Variants in KCNMB1 observed in about 807,000 individuals in gnomAD.
KCNMB1 encodes the protein calcium-activated potassium channel subunit beta-1.
A neutral mutation model predicts 21.7 loss-of-function variants in KCNMB1; 22 were observed. The ratio of observed to expected loss-of-function variants is 1.01; its 90% CI spans 0.72 to 1.45. KCNMB1 has a LOEUF of 1.45. Ranked by LOEUF, KCNMB1 falls within the 40% of genes most tolerant of loss-of-function variation. The pLI is 0.00. For synonymous variants in KCNMB1, 114 were observed against 107.6 expected, an observed-to-expected ratio of 1.06 and a Z score of -0.37; for missense variants, 243 against 243.4, an observed-to-expected ratio of 1.00 and a Z score of 0.01.
At chr5:170,387,357 G>T (rs1390821146) in intron 1 of KCNMB1, among the ~76,000 whole-genome samples, 1 of 152,118 alleles carries the variant, frequency 6.6e-6, no homozygotes, top group African/African-American at 2.4e-5. Flanking sequence ...TTCTGCTCAG[G>T]CGTCTCTTAA....
In KCNMB1 at chr5:170,374,745, G is replaced by A. The variant is rs778557579; in HGVS notation, c.*3959C>T. The stretch of plus-strand genomic sequence containing the variant: ...GGCAGATATTATTGCAAAAAAACAC[G>A]TAGGCACAGGGTCTAACTCCATCAT... On this transcript the variant is annotated 3_prime_UTR_variant, in exon 4 of 4. Coordinates refer to ENST00000274629, the MANE Select transcript of KCNMB1 (RefSeq NM_004137.4). 9 of 152,264 alleles carry A rather than the reference G, an allele frequency of 5.9e-5. No individual in the cohort carries two copies. In the South Asian group the frequency reaches 6.2e-4, roughly 11 times the overall value. 9.4% of individuals were successfully genotyped at this position (152,264 alleles called of 1,614,324 possible). A position where few individuals can be genotyped will look rare whatever the true frequency, so the allele number is the denominator to read the frequency against.
intron 3 of KCNMB1, 107 bp from the exon 4 acceptor site, chr5:170,379,080 ATTGGAGTCGGGGCT>A: frequency 7.4e-7 from 1 of 1,356,716 alleles, no homozygotes; most frequent in Non-Finnish European, 1.0e-6. Flanking sequence ...GGGCCCCTGG[ATTGGAGTCGGGGCT>A]TTGGTCTAAA....
At position 170,377,574 on chromosome 5, in the gene KCNMB1, G is replaced by A. The variant is rs554647080; in HGVS notation, c.*1130C>T. ...TCCAGAGGGTTGTTTTTCATTTTTT[G>A]TTTTTTGTTTTTTTTTTGAGACGGA... On this transcript the variant is annotated 3_prime_UTR_variant, in exon 4 of 4. Transcript: ENST00000274629. The A allele has an allele frequency of 7.4e-6, 1 of 134,972 alleles. No homozygotes were observed. The highest frequency in any genetic ancestry group is 2.2e-4 in the East Asian group (1 of 4,500). 8.4% of individuals were successfully genotyped at this position (134,972 alleles called of 1,614,324 possible). A position where few individuals can be genotyped will look rare whatever the true frequency, so the allele number is the denominator to read the frequency against.
chr5:170,385,228 G>C (rs888539969), intron 2 of KCNMB1, 86 bp downstream of exon 2: 65 of 1,426,592 alleles, frequency 4.6e-5, no homozygotes, highest in Non-Finnish European at 6.2e-5. Context: ...GTCAAGGAGA[G>C]GGGTGAGTAG....
chr5:170,387,031 G>T (rs1764503233), intron 1 of KCNMB1, among the ~76,000 whole-genome samples: 1 of 152,112 alleles, frequency 6.6e-6, no homozygotes. Flanking sequence ...GCCCAGCCAT[G>T]GTCCCCGCGT....
At chr5:170,387,023 C>T (rs1421925590) in intron 1 of KCNMB1, among the ~76,000 whole-genome samples, 1 of 152,132 alleles carries the variant, frequency 6.6e-6, no homozygotes, top group Non-Finnish European at 1.5e-5. Flanking sequence ...ACAGAGATGC[C>T]CAGCCATGGT....
chr5:170,387,415 A>G (rs1246891385), intron 1 of KCNMB1, among the ~76,000 whole-genome samples: 1 of 152,092 alleles, frequency 6.6e-6, no homozygotes, highest in Non-Finnish European at 1.5e-5. Context: ...CCCTCCCCTT[A>G]GCCAGGCTGC....
chr5:170,388,728 G>C (rs1764588060), intron 1 of KCNMB1, among the ~76,000 whole-genome samples: 1 of 152,262 alleles, frequency 6.6e-6, no homozygotes, highest in East Asian at 1.9e-4. Context: ...TCAAATCCTG[G>C]CTCTGCCACT....
At chr5:170,387,761 C>T (rs796938281) in intron 1 of KCNMB1, among the ~76,000 whole-genome samples, 5 of 152,338 alleles carry the variant, frequency 3.3e-5, no homozygotes, top group African/African-American at 1.2e-4. Context: ...GAACAAGACT[C>T]TCCATGTATT....
At chr5:170,385,589 T>A in intron 1 of KCNMB1, 118 bp from the exon 2 acceptor site, 1 of 981,392 alleles carries the variant, frequency 1.0e-6, no homozygotes, top group Non-Finnish European at 1.5e-6. Flanking sequence ...TGTTTATATT[T>A]GGAGCTTTGC....
chr5:170,378,432 G>T lies in KCNMB1; in HGVS notation c.*272C>A. The T allele has an allele frequency of 2.4e-6, 1 of 414,298 alleles. No individual in the cohort carries two copies. The highest frequency in any genetic ancestry group is 4.3e-6 in the Non-Finnish European group (1 of 234,020). 25.7% of individuals were successfully genotyped at this position (414,298 alleles called of 1,614,324 possible). ...TAGTGATGCAGCCGGAAACAGGTATGAGTCAGTTGAGTGGGGACAGGTAAT... is the reference window on the plus strand; with the variant it reads ...TAGTGATGCAGCCGGAAACAGGTATTAGTCAGTTGAGTGGGGACAGGTAAT... On this transcript the variant is annotated 3_prime_UTR_variant, in exon 4 of 4. Coordinates refer to ENST00000274629, the MANE Select transcript of KCNMB1 (RefSeq NM_004137.4).
Position 170,378,796 on chromosome 5 carries a change from AG to A in KCNMB1, c.483del (p.Phe162SerfsTer7), listed in dbSNP as rs1305414765. ...LYGPQALLFSLFWPTFLLTGG... is the reference protein window; with the variant it reads ...LYGPQALLFSXFWPTFLLTGG... ...CCGGTCAGCAGGAAGGTGGGCCAGAAGAGGGAGAAGAGGAGGGCCTGGGGCC... is the reference window on the plus strand; with the variant it reads ...CCGGTCAGCAGGAAGGTGGGCCAGAAAGGGAGAAGAGGAGGGCCTGGGGCC... On this transcript the variant is annotated frameshift_variant, in exon 4 of 4. Coordinates refer to ENST00000274629, the MANE Select transcript of KCNMB1 (RefSeq NM_004137.4). LOFTEE classifies it high-confidence loss of function. 1 of 1,614,208 alleles carries A rather than the reference AG, an allele frequency of 6.2e-7. No homozygotes were observed. Among genetic ancestry groups the A allele is most frequent in the East Asian group, 2.2e-5 (1 of 44,888 alleles).
intron 1 of KCNMB1, among the ~76,000 whole-genome samples, chr5:170,386,549 A>C (rs1407414788): frequency 3.9e-5 from 6 of 152,088 alleles, no homozygotes; most frequent in African/African-American, 1.4e-4. Context: ...TCTCACAGGG[A>C]TACTTGGAGT....
chr5:170,383,882 A>G, intron 2 of KCNMB1, 32 bp from the exon 3 acceptor site: 2 of 1,608,228 alleles, frequency 1.2e-6, no homozygotes, highest in Non-Finnish European at 1.7e-6. Flanking sequence ...ACACATACAC[A>G]TCTCAGAACT....
At chr5:170,386,034 G>A (rs1401330970) in intron 1 of KCNMB1, among the ~76,000 whole-genome samples, 1 of 151,734 alleles carries the variant, frequency 6.6e-6, no homozygotes, top group African/African-American at 2.4e-5. Flanking sequence ...GCTGAGGCAG[G>A]AGAATGGCAT....
intron 3 of KCNMB1, among the ~76,000 whole-genome samples, chr5:170,382,299 C>A (rs1561595469): frequency 6.6e-6 from 1 of 152,192 alleles, no homozygotes; most frequent in Non-Finnish European, 1.5e-5. Context: ...ACCAGAGATT[C>A]CACCTTGATA....
intron 3 of KCNMB1, among the ~76,000 whole-genome samples, chr5:170,380,976 A>C (rs1764215917): frequency 6.6e-6 from 1 of 152,232 alleles, no homozygotes; most frequent in East Asian, 1.9e-4. Flanking sequence ...GAACTCAAAA[A>C]AGTGGAAGAT....
chr5:170,387,394 G>C (rs1764519317), intron 1 of KCNMB1, among the ~76,000 whole-genome samples: 1 of 152,146 alleles, frequency 6.6e-6, no homozygotes, highest in Non-Finnish European at 1.5e-5. Flanking sequence ...AATATTCAGA[G>C]ATTCTTGACT....
At position 170,375,941 on chromosome 5, in the gene KCNMB1, C is replaced by G. The variant is rs1420813716; in HGVS notation, c.*2763G>C. Reference sequence around the variant, plus strand: ...TGAACAGCACAGCTGGAATTTGAACCCAAACAGTGCACATCCCAAGTCCAC... The same window carrying G: ...TGAACAGCACAGCTGGAATTTGAACGCAAACAGTGCACATCCCAAGTCCAC... On this transcript the variant is annotated 3_prime_UTR_variant, in exon 4 of 4. Transcript: ENST00000274629. 1 of 152,188 alleles carries G rather than the reference C, an allele frequency of 6.6e-6. No homozygotes were observed. Among genetic ancestry groups the G allele is most frequent in the Non-Finnish European group, 1.5e-5 (1 of 68,048 alleles). The allele number at this position is 152,188 out of a possible 1,614,324, so 9.4% of individuals were successfully genotyped here.
Sources: allele counts gnomAD v4.1 joint callset (sites outside exome capture counted in the v4.1 genomes callset), GRCh38; gene constraint gnomAD v4.1.1; transcripts MANE v1.5; gene names NCBI Gene and HGNC (gene_info 2026-07-23, HGNC 2026-07-21).